The following SIPA1L1 variants were observed in gnomAD, a reference collection of about 807,000 sequenced individuals.
The protein encoded by SIPA1L1 is signal induced proliferation associated 1 like 1.
SIPA1L1 carries 26 observed loss-of-function variants against 162.7 expected under a neutral mutation model. The ratio of observed to expected loss-of-function variants is 0.16; its 90% CI spans 0.12 to 0.22. The LOEUF is 0.22. SIPA1L1 is among the 10% of genes least tolerant of loss of function. SIPA1L1 has a pLI of 1.00. For synonymous variants in SIPA1L1, 829 were observed against 837.4 expected, an observed-to-expected ratio of 0.99 and a Z score of 0.17; for missense variants, 1,874 against 2,241.0, an observed-to-expected ratio of 0.84 and a Z score of 3.31.
At chr14:71,371,778 G>A (rs1449678527) in intron 2 of SIPA1L1, among the ~76,000 whole-genome samples, 2 of 152,098 alleles carry the variant, frequency 1.3e-5, no homozygotes, top group Non-Finnish European at 2.9e-5. Context: ...GCTATGGATG[G>A]TTGTTTCTCA....
At chr14:71,458,177 C>G (rs897756860) in intron 2 of SIPA1L1, among the ~76,000 whole-genome samples, 3 of 152,004 alleles carry the variant, frequency 2.0e-5, no homozygotes, top group Non-Finnish European at 2.9e-5. Context: ...ATGGTTTTGG[C>G]CTTGAGTTCA....
chr14:71,670,671 T>C (rs1160895642), intron 10 of SIPA1L1, among the ~76,000 whole-genome samples: 1 of 152,244 alleles, frequency 6.6e-6, no homozygotes, highest in African/African-American at 2.4e-5. Flanking sequence ...TGTCTGCTTA[T>C]AGCCATCATA....
intron 2 of SIPA1L1, among the ~76,000 whole-genome samples, chr14:71,423,645 T>C (rs1424546005): frequency 9.2e-5 from 14 of 152,154 alleles, no homozygotes; most frequent in Admixed American, 8.5e-4. Flanking sequence ...TATTCTGGGC[T>C]CTGTATTCTA....
intron 12 of SIPA1L1, among the ~76,000 whole-genome samples, chr14:71,681,847 T>G (rs759562528): frequency 6.6e-6 from 1 of 152,204 alleles, no homozygotes; most frequent in Non-Finnish European, 1.5e-5. Context: ...AGAGAAAGAA[T>G]ACAAAGACTG....
intron 13 of SIPA1L1, among the ~76,000 whole-genome samples, chr14:71,688,734 G>C (rs1422219558): frequency 2.6e-5 from 4 of 152,168 alleles, no homozygotes; most frequent in Non-Finnish European, 5.9e-5. Context: ...AGTATAATTT[G>C]GACCTTTCAG....
intron 2 of SIPA1L1, among the ~76,000 whole-genome samples, chr14:71,325,262 TCAAAAA>T (rs2140183156): frequency 6.6e-6 from 1 of 152,316 alleles, no homozygotes; most frequent in East Asian, 1.9e-4. Flanking sequence ...GCCTAGCTAA[TCAAAAA>T]CAAAAACAAA....
intron 2 of SIPA1L1, among the ~76,000 whole-genome samples, chr14:71,415,296 A>T (rs1026071441): frequency 5.9e-5 from 9 of 152,208 alleles, no homozygotes; most frequent in African/African-American, 1.9e-4. Flanking sequence ...TTTAAAGTAC[A>T]TTAGGGCACT....
intron 2 of SIPA1L1, among the ~76,000 whole-genome samples, chr14:71,435,578 A>T (rs533476495): frequency 6.6e-6 from 1 of 152,154 alleles, no homozygotes; most frequent in African/African-American, 2.4e-5. Context: ...TCTATCATTG[A>T]TGGACATTTG....
chr14:71,544,971 A>G (rs1030800818), intron 4 of SIPA1L1, among the ~76,000 whole-genome samples: 25 of 152,124 alleles, frequency 1.6e-4, no homozygotes, highest in African/African-American at 5.3e-4. Context: ...TGAGTGATCT[A>G]TCTGCCTCAG....
chr14:71,387,414 T>C (rs964468799), intron 2 of SIPA1L1, among the ~76,000 whole-genome samples: 10 of 152,150 alleles, frequency 6.6e-5, no homozygotes, highest in Non-Finnish European at 1.3e-4. Flanking sequence ...AGTTCAAGGC[T>C]GCAGTGAGCT....
chr14:71,504,171 A>T (rs557861420), intron 2 of SIPA1L1, among the ~76,000 whole-genome samples: 2 of 152,276 alleles, frequency 1.3e-5, no homozygotes, highest in South Asian at 2.1e-4. Flanking sequence ...AAAAAAATTT[A>T]AAGTTTTTGT....
intron 5 of SIPA1L1, among the ~76,000 whole-genome samples, chr14:71,592,332 T>G (rs2035509487): frequency 6.6e-6 from 1 of 152,224 alleles, no homozygotes; most frequent in African/African-American, 2.4e-5. Flanking sequence ...AAGTATAAAC[T>G]GTACATTTTA....
chr14:71,677,605 G>A (rs190315146), intron 12 of SIPA1L1, among the ~76,000 whole-genome samples: 211 of 152,192 alleles, frequency 1.4e-3, no homozygotes, highest in Non-Finnish European at 2.5e-3. Flanking sequence ...TTATGGTTTT[G>A]GGTCTAACAT....
At chr14:71,479,388 T>C (rs1377294084) in intron 2 of SIPA1L1, among the ~76,000 whole-genome samples, 1 of 152,092 alleles carries the variant, frequency 6.6e-6, no homozygotes, top group East Asian at 1.9e-4. Context: ...TATATATGTA[T>C]GTATTCATTC....
chr14:71,688,624 A>G (rs1418297037), intron 13 of SIPA1L1, among the ~76,000 whole-genome samples: 1 of 152,210 alleles, frequency 6.6e-6, no homozygotes, highest in African/African-American at 2.4e-5. Flanking sequence ...ATTGAGATAC[A>G]GAAGTGAGGA....
At chr14:71,542,372 TGCTGCTGCTGCTGCTTCTTCC>T (rs1595992301) in intron 4 of SIPA1L1, among the ~76,000 whole-genome samples, 1 of 147,546 alleles carries the variant, frequency 6.8e-6, no homozygotes, top group African/African-American at 2.5e-5. Flanking sequence ...TTCTTCCTGC[TGCTGCTGCTGCTGCTTCTTCC>T]TGCTGCTGCT....
chr14:71,513,015 C>G (rs2051317960), intron 3 of SIPA1L1, among the ~76,000 whole-genome samples, 170 bp downstream of exon 3: 1 of 152,130 alleles, frequency 6.6e-6, no homozygotes, highest in Non-Finnish European at 1.5e-5. Context: ...CAGATCGAAC[C>G]AATGTATACC....
intron 2 of SIPA1L1, among the ~76,000 whole-genome samples, chr14:71,425,934 A>G (rs1412836778): frequency 6.6e-6 from 1 of 152,160 alleles, no homozygotes; most frequent in Non-Finnish European, 1.5e-5. Context: ...TTTTGTTACT[A>G]TATAATGTCC....
intron 12 of SIPA1L1, among the ~76,000 whole-genome samples, chr14:71,678,388 A>G (rs1320624014): frequency 1.3e-5 from 2 of 152,200 alleles, no homozygotes; most frequent in African/African-American, 4.8e-5. Context: ...TTCTGCATCT[A>G]TTGAGATAAT....
Sources: allele counts gnomAD v4.1 joint callset (sites outside exome capture counted in the v4.1 genomes callset), GRCh38; gene constraint gnomAD v4.1.1; transcripts MANE v1.5; gene names NCBI Gene and HGNC (gene_info 2026-07-23, HGNC 2026-07-21).